ENPP4: variants seen among roughly 807,000 people sequenced by gnomAD.
ENPP4 encodes ectonucleotide pyrophosphatase/phosphodiesterase 4, also known as bis(5'-adenosyl)-triphosphatase ENPP4.
In ENPP4, 18 loss-of-function variants were observed where a neutral mutation model predicts 33.4. The observed-to-expected ratio is 0.54, with a 90% CI of 0.37 to 0.80. ENPP4 has a LOEUF of 0.80. Among genes scored for constraint, ENPP4 ranks in the 30% least tolerant of loss-of-function variants. ENPP4 has a pLI of 0.00. For missense variants in ENPP4, 480 were observed against 541.7 expected (o/e 0.89, Z 1.13); for synonymous variants, 172 against 189.9 (o/e 0.91, Z 0.78).
chr6:46,131,501 G>A (rs1486257652), intron 1 of ENPP4, among the ~76,000 whole-genome samples: 1 of 151,962 alleles, frequency 6.6e-6, no homozygotes, highest in Non-Finnish European at 1.5e-5. Context: ...CATTTTTTAT[G>A]GCTGCATAGT....
At chr6:46,131,592 A>G (rs1450150230) in intron 1 of ENPP4, among the ~76,000 whole-genome samples, 1 of 152,086 alleles carries the variant, frequency 6.6e-6, no homozygotes, top group Admixed American at 6.5e-5. Context: ...AGTCTTTGCT[A>G]TTGTGAATAA....
chr6:46,143,006 T>C (rs1003934902), intron 3 of ENPP4, among the ~76,000 whole-genome samples: 1 of 151,644 alleles, frequency 6.6e-6, no homozygotes, highest in African/African-American at 2.4e-5. Context: ...TAATTGGTAC[T>C]CGGGCTGAAA....
At position 46,140,114 on chromosome 6, in the gene ENPP4, A is replaced by G; in HGVS notation, c.531A>G (p.Pro177=). ...ITMWLNNSNP[P]VTFATLYWEE... Reference sequence around the variant, plus strand: ...TGTGGCTAAACAATTCGAACCCACCAGTCACCTTTGCAACACTATATTGGG... The same window carrying G: ...TGTGGCTAAACAATTCGAACCCACCGGTCACCTTTGCAACACTATATTGGG... The change falls in exon 2 of 4, where the codon CCA becomes CCG. Residue 177 remains proline, a synonymous_variant. Coordinates refer to ENST00000321037, the MANE Select transcript of ENPP4 (RefSeq NM_014936.5). 6.2e-7 allele frequency: 1 copy of G among 1,612,586 alleles called. No homozygotes were observed. Among genetic ancestry groups the G allele is most frequent in the Non-Finnish European group, 8.5e-7 (1 of 1,179,074 alleles).
At chr6:46,130,803 A>T (rs1763883640) in intron 1 of ENPP4, among the ~76,000 whole-genome samples, 2 of 152,186 alleles carry the variant, frequency 1.3e-5, no homozygotes, top group South Asian at 4.1e-4. Flanking sequence ...AGATGACGAA[A>T]GTCAGGCTCA....
At chr6:46,143,038 A>G (rs1764090387) in intron 3 of ENPP4, among the ~76,000 whole-genome samples, 1 of 151,540 alleles carries the variant, frequency 6.6e-6, no homozygotes, top group African/African-American at 2.4e-5. Flanking sequence ...CAGGTTGACA[A>G]GTGGTGGTAA....
chr6:46,144,634 C>G lies in ENPP4; in HGVS notation c.*994C>G, dbSNP rs1034877370. ...TTAACTCTCTCATGTTTGTTGTAAC[C>G]TGAGGTATCCAAATGCTACAGAAAA... On this transcript the variant is annotated 3_prime_UTR_variant, in exon 4 of 4. Transcript: ENST00000321037. 1.9e-5 allele frequency: 5 copies of G among 257,758 alleles called. No individual in the cohort carries two copies. The highest frequency in any genetic ancestry group is 5.4e-5 in the Admixed American group (1 of 18,504). The allele number at this position is 257,758 out of a possible 1,614,324, so 16.0% of individuals were successfully genotyped here. A position where few individuals can be genotyped will look rare whatever the true frequency, so the allele number is the denominator to read the frequency against.
At chr6:46,132,309 T>G (rs1763912518) in intron 1 of ENPP4, among the ~76,000 whole-genome samples, 1 of 152,214 alleles carries the variant, frequency 6.6e-6, no homozygotes, top group Non-Finnish European at 1.5e-5. Flanking sequence ...AAGTCTTTAA[T>G]CCATCTTGAA....
chr6:46,145,884 A>G lies in ENPP4; in HGVS notation c.*2244A>G, dbSNP rs189243439. On this transcript the variant is annotated 3_prime_UTR_variant, in exon 4 of 4. Transcript: ENST00000321037. The stretch of plus-strand genomic sequence containing the variant: ...AATAAAACATATATTATATTGAACT[A>G]TGTGTTAATTCATTTGTATCTTTTA... 43 of 152,076 alleles carry G rather than the reference A, an allele frequency of 2.8e-4. No individual in the cohort carries two copies. Among genetic ancestry groups the G allele is most frequent in the African/African-American group, 1.0e-3 (42 of 41,554 alleles). 9.4% of individuals were successfully genotyped at this position (152,076 alleles called of 1,614,324 possible).
Position 46,138,947 on chromosome 6 carries a change from G to T in ENPP4, c.-33-604G>T, listed in dbSNP as rs1464852017. Among the ~76,000 whole-genome samples the T allele has an allele frequency of 3.3e-5, 5 of 151,792 alleles. No individual in the cohort carries two copies. The East Asian group carries it at 9.6e-4, about 29-fold the overall frequency. On this transcript the variant is annotated intron_variant, in intron 1 of 3. Coordinates refer to ENST00000321037, the MANE Select transcript of ENPP4 (RefSeq NM_014936.5). ...TACTGGAGCATCCATGTCCATGTAG[G>T]CTTTGCATGTTTGTTAATCAACTTC... is the stretch of plus-strand genomic sequence containing the variant.
intron 1 of ENPP4, among the ~76,000 whole-genome samples, chr6:46,137,297 A>G (rs1763991723): frequency 6.6e-6 from 1 of 151,914 alleles, no homozygotes; most frequent in Non-Finnish European, 1.5e-5. Flanking sequence ...TCCCTGTGAG[A>G]AGATACTGTG....
chr6:46,140,679 T>C (rs1764047783), intron 2 of ENPP4, among the ~76,000 whole-genome samples: 1 of 151,766 alleles, frequency 6.6e-6, no homozygotes, highest in Non-Finnish European at 1.5e-5. Context: ...ATTTTTATCC[T>C]TAAACATCTT....
Position 46,140,096 on chromosome 6 carries a change from A to G in ENPP4, c.513A>G (p.Leu171=), listed in dbSNP as rs1368732179. The change falls in exon 2 of 4, where the codon CTA becomes CTG. Residue 171 remains leucine (L), a synonymous_variant. Transcript: ENST00000321037. ...EERLNNITMW[L]NNSNPPVTFA... is the part of the protein sequence containing the mutation. ...GACTAAATAATATTACTATGTGGCT[A>G]AACAATTCGAACCCACCAGTCACCT... 3.7e-6 allele frequency: 6 copies of G among 1,612,608 alleles called. No homozygotes were observed. The highest frequency in any genetic ancestry group is 5.1e-6 in the Non-Finnish European group (6 of 1,179,070).
At position 46,143,287 on chromosome 6, in the gene ENPP4, G is replaced by A; in HGVS notation, c.1009G>A (p.Gly337Ser). 1 of 1,579,998 alleles carries A rather than the reference G, an allele frequency of 6.3e-7. No individual in the cohort carries two copies. Among genetic ancestry groups the A allele is most frequent in the Non-Finnish European group, 8.6e-7 (1 of 1,158,816 alleles). ...TTGTTCTTTTTCAGTAGGTGACCAT[G>A]GTTATGATAATTCTTTGCCTAGTAT... ...NESSQKLGDH[G>S]YDNSLPSMHP... Residue 337 changes from glycine (G) to serine (S), a missense_variant, in exon 4 of 4, where the codon GGT (glycine) becomes AGT (serine). Around this residue, in one of 3 missense-constraint regions of ENPP4, gnomAD observed 249 missense variants for 251.8 expected, o/e 0.99. Coordinates refer to ENST00000321037, the MANE Select transcript of ENPP4 (RefSeq NM_014936.5).
intron 1 of ENPP4, among the ~76,000 whole-genome samples, chr6:46,133,874 C>G (rs1763938439): frequency 6.6e-6 from 1 of 152,116 alleles, no homozygotes; most frequent in African/African-American, 2.4e-5. Context: ...GGTGTTCTAT[C>G]AGGAAGAGTT....
intron 1 of ENPP4, among the ~76,000 whole-genome samples, chr6:46,134,592 T>G (rs1343973582): frequency 6.6e-6 from 1 of 152,158 alleles, no homozygotes; most frequent in Non-Finnish European, 1.5e-5. Flanking sequence ...TTTTGGAGTA[T>G]AAAATTCACT....
At position 46,133,805 on chromosome 6, in the gene ENPP4, C is replaced by A. The variant is rs559747617; in HGVS notation, c.-34+3616C>A. On this transcript the variant is annotated intron_variant, in intron 1 of 3. Transcript: ENST00000321037. ...CATTGTTGGTTTGTCTGTAGCTTAA[C>A]ACTCCCTATTAGAATGAGACAGAAT... Among the ~76,000 whole-genome samples the A allele has an allele frequency of 2.6e-5, 4 of 152,278 alleles. No individual in the cohort carries two copies. The East Asian group carries it at 5.8e-4, about 22-fold the overall frequency.
chr6:46,130,491 A>G (rs1336466920), intron 1 of ENPP4, among the ~76,000 whole-genome samples: 1 of 152,084 alleles, frequency 6.6e-6, no homozygotes, highest in East Asian at 1.9e-4. Context: ...TAGTGGAGGA[A>G]CCTAAGGTGG....
intron 3 of ENPP4, among the ~76,000 whole-genome samples, 169 bp from the exon 4 acceptor site, chr6:46,143,107 T>TGAGA (rs35942390): frequency 8.5e-4 from 126 of 148,182 alleles, no homozygotes; most frequent in African/African-American, 1.3e-3. Flanking sequence ...TGTGTGTATG[T>TGAGA]GAGAGAGAGA....
chr6:46,136,546 A>G (rs1581954369), intron 1 of ENPP4, among the ~76,000 whole-genome samples: 1 of 152,006 alleles, frequency 6.6e-6, no homozygotes, highest in African/African-American at 2.4e-5. Context: ...TGGAAATTCA[A>G]GTTGGCAGTT....
Sources: gnomAD v4.1 joint callset for allele counts (sites outside exome capture counted in the v4.1 genomes callset) on GRCh38, gnomAD v4.1.1 for gene constraint, gnomAD v4.1.1 regional missense constraint, MANE v1.5 for transcripts, NCBI Gene and HGNC (gene_info 2026-07-23, HGNC 2026-07-21) for gene names.